GRM8: variants seen among roughly 807,000 people sequenced by gnomAD.
The protein encoded by GRM8 is glutamate metabotropic receptor 8.
GRM8 carries 47 observed loss-of-function variants against 87.2 expected under a neutral mutation model. That is an observed-to-expected ratio of 0.54 (90% CI 0.43 to 0.69). GRM8 has a LOEUF of 0.69. GRM8 is among the 30% of genes least tolerant of loss of function. GRM8 has a pLI of 0.00. For synonymous variants in GRM8, 396 were observed against 404.5 expected, an observed-to-expected ratio of 0.98 and a Z score of 0.25; for missense variants, 1,019 against 1,139.2, an observed-to-expected ratio of 0.89 and a Z score of 1.52.
chr7:127,212,208 C>G (rs1421771074), intron 2 of GRM8, among the ~76,000 whole-genome samples: 1 of 152,070 alleles, frequency 6.6e-6, no homozygotes, highest in Non-Finnish European at 1.5e-5. Context: ...ACAGCTGAGG[C>G]TAGACAGAGA....
At chr7:127,166,286 CCTT>C (rs1197546492) in intron 2 of GRM8, among the ~76,000 whole-genome samples, 22 of 151,728 alleles carry the variant, frequency 1.4e-4, no homozygotes, top group African/African-American at 5.1e-4. Context: ...GATTTTTTTT[CCTT>C]CTTCTTTATG....
intron 2 of GRM8, among the ~76,000 whole-genome samples, chr7:127,184,057 TG>T (rs1794615841): frequency 6.6e-6 from 1 of 151,900 alleles, no homozygotes; most frequent in South Asian, 2.1e-4. Flanking sequence ...CAGGCTCAAA[TG>T]GCTTCACTGG....
intron 3 of GRM8, among the ~76,000 whole-genome samples, chr7:127,024,636 T>C (rs1166115523): frequency 6.6e-6 from 1 of 152,044 alleles, no homozygotes; most frequent in Non-Finnish European, 1.5e-5. Flanking sequence ...ATCCAAACTT[T>C]CCTGTGGCCC....
chr7:126,996,253 T>A (rs1813167299), intron 3 of GRM8, among the ~76,000 whole-genome samples: 1 of 152,010 alleles, frequency 6.6e-6, no homozygotes, highest in South Asian at 2.1e-4. Context: ...TAAGAAATCA[T>A]CTGAAGGTAC....
intron 2 of GRM8, among the ~76,000 whole-genome samples, chr7:127,170,454 T>A (rs1793726004): frequency 6.6e-6 from 1 of 152,166 alleles, no homozygotes; most frequent in South Asian, 2.1e-4. Flanking sequence ...GAACTAAATG[T>A]AGAGCTACCA....
intron 6 of GRM8, among the ~76,000 whole-genome samples, chr7:126,775,160 G>A (rs1314921607): frequency 6.6e-6 from 1 of 152,070 alleles, no homozygotes; most frequent in Non-Finnish European, 1.5e-5. Context: ...GAATTATGAA[G>A]CAACTATTTT....
At chr7:126,720,418 C>CTTG (rs1398287829) in intron 7 of GRM8, among the ~76,000 whole-genome samples, 2 of 152,146 alleles carry the variant, frequency 1.3e-5, no homozygotes, top group Non-Finnish European at 2.9e-5. Flanking sequence ...GTGTGAGCAA[C>CTTG]TGTGCCTGAC....
At chr7:126,523,273 T>G (rs146964641) in intron 9 of GRM8, among the ~76,000 whole-genome samples, 28 of 152,342 alleles carry the variant, frequency 1.8e-4, no homozygotes, top group Non-Finnish European at 1.2e-4. Flanking sequence ...TTCTTCTGTA[T>G]GCGATGATTT....
At chr7:127,223,508 C>A (rs977276186) in intron 2 of GRM8, among the ~76,000 whole-genome samples, 1 of 151,188 alleles carries the variant, frequency 6.6e-6, no homozygotes, top group East Asian at 1.9e-4. Context: ...CCCACCCATA[C>A]AAGCAAAGAC....
At chr7:127,108,734 GATTA>G (rs1449910193) in intron 2 of GRM8, among the ~76,000 whole-genome samples, 6 of 152,146 alleles carry the variant, frequency 3.9e-5, no homozygotes, top group East Asian at 3.8e-4. Context: ...TCATGTTTAG[GATTA>G]ATTAAACAGG....
At chr7:126,834,057 T>C (rs1795632259) in intron 6 of GRM8, among the ~76,000 whole-genome samples, 1 of 152,088 alleles carries the variant, frequency 6.6e-6, no homozygotes, top group Admixed American at 6.6e-5. Flanking sequence ...TATTCAGAGA[T>C]CAGACTGTCC....
intron 7 of GRM8, among the ~76,000 whole-genome samples, chr7:126,686,780 G>T (rs148528218): frequency 2.6e-5 from 4 of 152,286 alleles, no homozygotes; most frequent in African/African-American, 9.6e-5. Context: ...TGGACAGAAT[G>T]AGCCCAGCAG....
intron 7 of GRM8, among the ~76,000 whole-genome samples, chr7:126,722,901 T>C (rs1373098974): frequency 6.8e-6 from 1 of 146,642 alleles, no homozygotes; most frequent in Non-Finnish European, 1.5e-5. Context: ...AAAAAATATA[T>C]ATAATTATAT....
intron 3 of GRM8, among the ~76,000 whole-genome samples, chr7:126,936,986 A>G (rs1806403382): frequency 6.6e-6 from 1 of 152,214 alleles, no homozygotes; most frequent in Non-Finnish European, 1.5e-5. Flanking sequence ...TGCCATAACA[A>G]TATCTGAGAC....
intron 2 of GRM8, among the ~76,000 whole-genome samples, chr7:127,166,436 TA>T (rs1793456553): frequency 1.3e-5 from 2 of 152,164 alleles, no homozygotes; most frequent in African/African-American, 4.8e-5. Flanking sequence ...CTCAGATTAA[TA>T]AACCTCGTTT....
At chr7:126,771,312 T>C (rs1198853532) in intron 6 of GRM8, among the ~76,000 whole-genome samples, 1 of 151,996 alleles carries the variant, frequency 6.6e-6, no homozygotes, top group Non-Finnish European at 1.5e-5. Flanking sequence ...CGAATTATTG[T>C]TTTTGTTCTT....
intron 3 of GRM8, among the ~76,000 whole-genome samples, chr7:126,953,691 C>T (rs1286114138): frequency 6.6e-6 from 1 of 152,080 alleles, no homozygotes; most frequent in Non-Finnish European, 1.5e-5. Context: ...GCAAGTTAAT[C>T]AGTCAGGGCC....
chr7:126,543,990 G>A (rs1393821882), intron 8 of GRM8, among the ~76,000 whole-genome samples: 1 of 152,182 alleles, frequency 6.6e-6, no homozygotes, highest in Non-Finnish European at 1.5e-5. Flanking sequence ...AGGGGCCTTG[G>A]TTACCTTCAT....
chr7:126,928,907 C>T (rs1805437505), intron 3 of GRM8, among the ~76,000 whole-genome samples: 1 of 152,068 alleles, frequency 6.6e-6, no homozygotes, highest in South Asian at 2.1e-4. Context: ...GATGCAGAAC[C>T]TCAGGTCCAA....
Sources: gnomAD v4.1 joint callset for allele counts (sites outside exome capture counted in the v4.1 genomes callset) on GRCh38, gnomAD v4.1.1 for gene constraint, MANE v1.5 for transcripts, NCBI Gene and HGNC (gene_info 2026-07-23, HGNC 2026-07-21) for gene names.